The following XRN1 variants were observed in gnomAD, a reference collection of about 807,000 sequenced individuals.
The protein encoded by XRN1 is strand-exchange protein 1 homolog.
XRN1 carries 67 observed loss-of-function variants against 222.3 expected under a neutral mutation model. The observed-to-expected ratio is 0.30, with a 90% CI of 0.25 to 0.37. XRN1 has a LOEUF of 0.37. Ranked by LOEUF, XRN1 falls within the 10% of genes least tolerant of loss-of-function variation. The pLI, the probability that XRN1 is intolerant of heterozygous loss-of-function variation, is 1.00. For synonymous variants in XRN1, 643 were observed against 652.4 expected, an observed-to-expected ratio of 0.99 and a Z score of 0.22; for missense variants, 1,707 against 2,000.2, an observed-to-expected ratio of 0.85 and a Z score of 2.80.
intron 19 of XRN1, among the ~76,000 whole-genome samples, chr3:142,399,146 T>C (rs1434633882): frequency 6.7e-6 from 1 of 148,164 alleles, no homozygotes; most frequent in Non-Finnish European, 1.5e-5. Context: ...ATACAATTCA[T>C]ATAAAAATCC....
chr3:142,446,530 C>T (rs1402973166), intron 1 of XRN1, among the ~76,000 whole-genome samples: 1 of 152,134 alleles, frequency 6.6e-6, no homozygotes, highest in Non-Finnish European at 1.5e-5. Flanking sequence ...TTCACCAAAC[C>T]AAATTCTGTG....
chr3:142,386,872 A>T (rs1279372214), intron 20 of XRN1, among the ~76,000 whole-genome samples: 1 of 152,212 alleles, frequency 6.6e-6, no homozygotes, highest in Non-Finnish European at 1.5e-5. Flanking sequence ...AAGTTCTTAT[A>T]AACTGCTGGT....
intron 15 of XRN1, among the ~76,000 whole-genome samples, chr3:142,411,004 G>A (rs1294027871): frequency 1.3e-5 from 2 of 152,162 alleles, no homozygotes; most frequent in Non-Finnish European, 2.9e-5. Flanking sequence ...CACAAGTGAA[G>A]ACATCTGGGC....
intron 37 of XRN1, among the ~76,000 whole-genome samples, chr3:142,321,325 T>A (rs2065350427): frequency 6.6e-6 from 1 of 152,118 alleles, no homozygotes; most frequent in Non-Finnish European, 1.5e-5. Flanking sequence ...TTCACCATGT[T>A]GGCCAGGCTG....
At chr3:142,337,471 T>C (rs2065881773) in intron 33 of XRN1, among the ~76,000 whole-genome samples, 3 of 152,218 alleles carry the variant, frequency 2.0e-5, no homozygotes, top group Non-Finnish European at 2.9e-5. Context: ...ACTCAATAAA[T>C]AGTAGTTGAA....
chr3:142,369,780 T>C (rs933178429), intron 27 of XRN1, among the ~76,000 whole-genome samples: 10 of 151,422 alleles, frequency 6.6e-5, no homozygotes, highest in African/African-American at 2.4e-4. Context: ...GTGTGGTGAC[T>C]CACCCCTGTA....
At position 142,405,073 on chromosome 3, in the gene XRN1, G is replaced by A. The variant is rs757841347; in HGVS notation, c.1717C>T (p.Arg573Ter). 5 of 1,613,422 alleles carry A rather than the reference G, an allele frequency of 3.1e-6. No individual in the cohort carries two copies. The highest frequency in any genetic ancestry group is 4.2e-6 in the Non-Finnish European group (5 of 1,179,602). The change falls in exon 16 of 41, where the codon CGA (arginine) becomes TGA (stop). Residue 573 changes from arginine to a stop codon, truncating the protein, a stop_gained. Transcript: ENST00000392981. LOFTEE classifies it high-confidence loss of function. ...VVLIPFIDEK[R>*]LLEAMETCNH... ...CATGTCTCCATGGCTTCCAATAATC[G>A]CTTCTGAATATAAGGATTGAAGAGA...
At chr3:142,315,900 T>C (rs920093175) in intron 39 of XRN1, among the ~76,000 whole-genome samples, 7 of 152,224 alleles carry the variant, frequency 4.6e-5, no homozygotes, top group Non-Finnish European at 8.8e-5. Flanking sequence ...GTTCAATTAT[T>C]TGCTTATGCT....
chr3:142,401,780 C>T (rs1234627681), intron 18 of XRN1, among the ~76,000 whole-genome samples: 1 of 152,204 alleles, frequency 6.6e-6, no homozygotes, highest in South Asian at 2.1e-4. Flanking sequence ...TTCCCGTCTA[C>T]ACAATCTTAG....
chr3:142,413,794 A>G (rs2068681466), intron 14 of XRN1, among the ~76,000 whole-genome samples: 1 of 152,250 alleles, frequency 6.6e-6, no homozygotes, highest in East Asian at 1.9e-4. Context: ...TAAAGGGAAG[A>G]GAAATGAATC....
intron 18 of XRN1, among the ~76,000 whole-genome samples, chr3:142,402,798 AT>A (rs76328683): frequency 2.1e-4 from 31 of 149,820 alleles, no homozygotes; most frequent in Admixed American, 9.4e-4. Flanking sequence ...GTAAATTACA[AT>A]TTTTTTTTTA....
At chr3:142,437,099 A>T (rs950719359) in intron 1 of XRN1, among the ~76,000 whole-genome samples, 2 of 152,202 alleles carry the variant, frequency 1.3e-5, no homozygotes, top group Admixed American at 1.3e-4. Flanking sequence ...AATGTGTTGA[A>T]TAAAGTGAGA....
chr3:142,321,934 C>G (rs973533386), intron 37 of XRN1, among the ~76,000 whole-genome samples: 1 of 152,152 alleles, frequency 6.6e-6, no homozygotes, highest in Non-Finnish European at 1.5e-5. Context: ...TTCTTCCCTT[C>G]TAATTTAGAT....
At chr3:142,326,203 A>C (rs918813251) in intron 37 of XRN1, among the ~76,000 whole-genome samples, 3 of 150,456 alleles carry the variant, frequency 2.0e-5, no homozygotes, top group Admixed American at 6.7e-5. Flanking sequence ...CGGTATTTTG[A>C]GAGGAGTTGC....
At chr3:142,415,878 C>T (rs2068765447) in intron 13 of XRN1, among the ~76,000 whole-genome samples, 2 of 152,060 alleles carry the variant, frequency 1.3e-5, no homozygotes, top group South Asian at 2.1e-4. Flanking sequence ...TTTAATTTTT[C>T]TACTTTGGTG....
chr3:142,318,750 T>G lies in XRN1; in HGVS notation c.4518+40A>C, dbSNP rs112900381. On this transcript the variant is annotated intron_variant, in intron 38 of 40. Coordinates refer to ENST00000392981, the MANE Select transcript of XRN1 (RefSeq NM_001282857.2). ...TGCAATACAAGCTTTCTATAGGGAC[T>G]AATAAAAATTTTAATAGAGAAGTCA... The G allele has an allele frequency of 1.7e-3, 2,674 of 1,610,452 alleles. 45 individuals carry two copies. The African/African-American group carries it at 0.029, about 17-fold the overall frequency.
rs1431033120 is a variant in XRN1 at position 142,371,348 on chromosome 3, T to G, written c.2979-20A>C. 6.4e-7 allele frequency: 1 copy of G among 1,564,512 alleles called. No individual in the cohort carries two copies. The highest frequency in any genetic ancestry group is 1.1e-5 in the South Asian group (1 of 87,092). On this transcript the variant is annotated intron_variant, in intron 25 of 40. Transcript: ENST00000392981. ...GGAGCTCTGGTCAAACAAACAAAAA[T>G]ATTGTCTTAAAATATATATGGTTAA...
chr3:142,444,847 AT>A (rs1011497603), intron 1 of XRN1, among the ~76,000 whole-genome samples: 18 of 151,534 alleles, frequency 1.2e-4, no homozygotes, highest in East Asian at 5.8e-4. Context: ...ATAAAAAAAA[AT>A]AATCATAATA....
chr3:142,373,214 G>A (rs1047377555), intron 25 of XRN1, among the ~76,000 whole-genome samples: 2 of 151,824 alleles, frequency 1.3e-5, no homozygotes, highest in African/African-American at 4.8e-5. Context: ...CAGAGAATAA[G>A]GACACACTTT....
Sources: gnomAD v4.1 joint callset for allele counts (sites outside exome capture counted in the v4.1 genomes callset) on GRCh38, gnomAD v4.1.1 for gene constraint, MANE v1.5 for transcripts, NCBI Gene and HGNC (gene_info 2026-07-23, HGNC 2026-07-21) for gene names.